CDKL3: variants seen among roughly 807,000 people sequenced by gnomAD.
The protein encoded by CDKL3 is cyclin-dependent kinase-like 3.
Under a neutral mutation model 69.3 loss-of-function variants are expected in CDKL3, and 65 were observed. The observed-to-expected ratio is 0.94, with a 90% CI of 0.77 to 1.15. The LOEUF (loss-of-function observed/expected upper bound fraction) is 1.15. Among genes scored for constraint, CDKL3 ranks in the 50% most tolerant of loss-of-function variants. The probability of loss-of-function intolerance (pLI) is 0.00; values close to 1 mark genes in which losing one functional copy is unlikely to be tolerated. For missense variants in CDKL3, 652 were observed against 689.2 expected, an observed-to-expected ratio of 0.95 and a Z score of 0.61; for synonymous variants, 202 against 221.6, an observed-to-expected ratio of 0.91 and a Z score of 0.79.
chr5:134,368,887 G>A (rs746101322), upstream of CDKL3, among the ~76,000 whole-genome samples: 4 of 152,032 alleles, frequency 2.6e-5, no homozygotes, highest in South Asian at 2.1e-4. Context: ...AAAATTAGCC[G>A]GGCATGGTGG....
intron 4 of CDKL3, among the ~76,000 whole-genome samples, chr5:134,332,291 A>G (rs550316030): frequency 3.8e-4 from 58 of 152,156 alleles, no homozygotes; most frequent in African/African-American, 1.3e-3. Flanking sequence ...GAAGCTCTTT[A>G]GTTTAATTAG....
chr5:134,308,610 A>T lies in CDKL3; in HGVS notation c.999T>A (p.Tyr333Ter). ...CTGAACTACTTAGCAGTGTATTGGT[A>T]TAAACTGTTTTTCTTTCATCTTTCC... ...ELRKDERKTV[Y>*]TNTLLSSSVL... The change falls in exon 8 of 13, where the codon TAT (tyrosine) becomes TAA (stop). Residue 333 changes from tyrosine to a stop codon, truncating the protein, a stop_gained. Coordinates refer to ENST00000265334, the MANE Select transcript of CDKL3 (RefSeq NM_001113575.2). LOFTEE classifies it high-confidence loss of function. The T allele has an allele frequency of 6.2e-7, 1 of 1,606,142 alleles. No individual in the cohort carries two copies. The highest frequency in any genetic ancestry group is 8.5e-7 in the Non-Finnish European group (1 of 1,178,028).
intron 3 of CDKL3, among the ~76,000 whole-genome samples, 168 bp from the exon 4 acceptor site, chr5:134,350,595 T>C (rs1753006557): frequency 1.3e-5 from 2 of 152,116 alleles, no homozygotes; most frequent in African/African-American, 4.8e-5. Flanking sequence ...TTTTCAATTC[T>C]TGCCCCATCC....
At chr5:134,353,606 C>T (rs1753832033) in intron 3 of CDKL3, among the ~76,000 whole-genome samples, 1 of 148,224 alleles carries the variant, frequency 6.7e-6, no homozygotes, top group Non-Finnish European at 1.5e-5. Context: ...GGCTGGAGTG[C>T]AGTGGCGCAA....
At chr5:134,359,618 TGCTCCA>T (rs1241155344) in intron 3 of CDKL3, among the ~76,000 whole-genome samples, 1 of 152,150 alleles carries the variant, frequency 6.6e-6, no homozygotes, top group Non-Finnish European at 1.5e-5. Context: ...CTAATAATAG[TGCTCCA>T]GCTGACTACT....
At position 134,308,343 on chromosome 5, in the gene CDKL3, C is replaced by G; in HGVS notation, c.1159G>C (p.Ala387Pro). 6.2e-7 allele frequency: 1 copy of G among 1,613,902 alleles called. No homozygotes were observed. Among genetic ancestry groups the G allele is most frequent in the Middle Eastern group, 1.7e-4 (1 of 6,060 alleles). ...GACATAGGATGAACATTTTCATTTG[C>G]ATCCTGTTGACCAAGTCCACCTTCA... ...EYEGGLGQQDANENVHPMSPD... is the reference protein window; with the variant it reads ...EYEGGLGQQDPNENVHPMSPD... Residue 387 changes from alanine to proline, a missense_variant, in exon 9 of 13, where the codon GCA becomes CCA. Ala to Pro is a conservative substitution (Grantham distance 27). Transcript: ENST00000265334.
chr5:134,288,248 T>C (rs1392751111), intron 8 of CDKL3, among the ~76,000 whole-genome samples: 2 of 152,208 alleles, frequency 1.3e-5, no homozygotes, highest in Non-Finnish European at 2.9e-5. Flanking sequence ...GAAAATCCAA[T>C]GTAACCCCAA....
chr5:134,357,115 T>G (rs1754798239), intron 3 of CDKL3, among the ~76,000 whole-genome samples: 1 of 152,158 alleles, frequency 6.6e-6, no homozygotes, highest in East Asian at 1.9e-4. Context: ...CCAATATTAT[T>G]TAGTATGGGT....
intron 10 of CDKL3, among the ~76,000 whole-genome samples, chr5:134,305,555 G>GA (rs1767587754): frequency 1.3e-5 from 2 of 152,082 alleles, no homozygotes; most frequent in African/African-American, 2.4e-5. Context: ...AAACCCAAAG[G>GA]AAAAAATGTA....
At chr5:134,369,274 AAAT>A (rs1758078272), upstream of CDKL3, among the ~76,000 whole-genome samples, 1 of 152,222 alleles carries the variant, frequency 6.6e-6, no homozygotes, top group Non-Finnish European at 1.5e-5. Context: ...TCATTTTGGA[AAAT>A]AATAAACTGT....
intron 12 of CDKL3, chr5:134,299,846 A>G (rs889552936): frequency 1.4e-5 from 11 of 781,176 alleles, no homozygotes; most frequent in South Asian, 5.2e-5. Context: ...CTTTGCCCCT[A>G]TGGGTTGTTT....
chr5:134,315,570 GC>G (rs1230623536), intron 6 of CDKL3, among the ~76,000 whole-genome samples: 1 of 151,992 alleles, frequency 6.6e-6, no homozygotes, highest in East Asian at 1.9e-4. Context: ...GTGGCCTCAA[GC>G]CATCCTCATG....
intron 7 of CDKL3, among the ~76,000 whole-genome samples, 174 bp downstream of exon 7, chr5:134,312,118 G>A (rs1238213723): frequency 1.3e-5 from 2 of 152,082 alleles, no homozygotes; most frequent in Non-Finnish European, 2.9e-5. Flanking sequence ...TTTCATTCGT[G>A]ACACTTGTTA....
intron 6 of CDKL3, among the ~76,000 whole-genome samples, chr5:134,313,597 TTATG>T (rs1298393395): frequency 6.6e-6 from 1 of 152,108 alleles, no homozygotes; most frequent in African/African-American, 2.4e-5. Flanking sequence ...GTATATAATA[TTATG>T]TTTCTGTTTA....
At chr5:134,367,327 T>C (rs1378691461), upstream of CDKL3, 3 of 960,198 alleles carry the variant, frequency 3.1e-6, no homozygotes, top group Non-Finnish European at 3.7e-6. Flanking sequence ...CTGAGCCTCC[T>C]CACAAGGTTG....
chr5:134,313,343 A>C (rs1367930582), intron 6 of CDKL3, among the ~76,000 whole-genome samples: 2 of 152,196 alleles, frequency 1.3e-5, no homozygotes, highest in African/African-American at 4.8e-5. Flanking sequence ...TAGCCTCTTG[A>C]GTAGCTCAGA....
chr5:134,357,750 A>C (rs1394671787), intron 3 of CDKL3, among the ~76,000 whole-genome samples: 6 of 152,094 alleles, frequency 3.9e-5, no homozygotes, highest in Non-Finnish European at 7.4e-5. Context: ...TCCCTCTGCC[A>C]TCCTTCCTCT....
At chr5:134,329,899 A>C (rs933841738) in intron 4 of CDKL3, among the ~76,000 whole-genome samples, 9 of 151,778 alleles carry the variant, frequency 5.9e-5, no homozygotes, top group African/African-American at 2.2e-4. Context: ...AATCCCAGCT[A>C]TTTGGGAGGC....
rs999846653 is a variant in CDKL3 at position 134,364,519 on chromosome 5, CT to C, written c.165+1839del. ...TATAGTCTTCTACACTCTTTCATGT[CT>C]TTTTTTTTTTAGACAAGGTGTTGCT... On this transcript the variant is annotated intron_variant, in intron 2 of 12. Transcript: ENST00000265334. 5.1e-3 allele frequency among the ~76,000 whole-genome samples: 747 copies of C among 147,280 alleles called. 3 individuals carry two copies. Among genetic ancestry groups the C allele is most frequent in the African/African-American group, 0.016 (666 of 40,522 alleles).
Sources: gnomAD v4.1 joint callset for allele counts (sites outside exome capture counted in the v4.1 genomes callset) on GRCh38, gnomAD v4.1.1 for gene constraint, MANE v1.5 for transcripts, NCBI Gene and HGNC (gene_info 2026-07-23, HGNC 2026-07-21) for gene names.